The following DIP2C variants were observed in gnomAD, a reference collection of about 807,000 sequenced individuals.
DIP2C encodes disco-interacting protein 2 homolog C.
DIP2C carries 33 observed loss-of-function variants against 192.4 expected under a neutral mutation model. That is an observed-to-expected ratio of 0.17 (90% CI 0.13 to 0.23). The LOEUF (loss-of-function observed/expected upper bound fraction) is 0.23, where lower values mean the gene tolerates loss of function less well. Among genes scored for constraint, DIP2C ranks in the 10% least tolerant of loss-of-function variants. The pLI is 1.00. For synonymous variants in DIP2C, 979 were observed against 864.1 expected, an observed-to-expected ratio of 1.13 and a Z score of -2.33; for missense variants, 1,537 against 2,110.1, an observed-to-expected ratio of 0.73 and a Z score of 5.32.
At chr10:588,956 C>T (rs1157170380) in intron 1 of DIP2C, among the ~76,000 whole-genome samples, 1 of 152,248 alleles carries the variant, frequency 6.6e-6, no homozygotes, top group Non-Finnish European at 1.5e-5. Context: ...TGAACCGCAG[C>T]ATCACACAGG....
At chr10:543,320 A>C (rs1387103432) in intron 1 of DIP2C, among the ~76,000 whole-genome samples, 1 of 152,260 alleles carries the variant, frequency 6.6e-6, no homozygotes, top group African/African-American at 2.4e-5. Context: ...TTCAGTAGCG[A>C]GAACGTACAC....
intron 1 of DIP2C, chr10:662,056 C>T: frequency 1.4e-6 from 1 of 717,106 alleles, no homozygotes; most frequent in Non-Finnish European, 2.6e-6. Context: ...GGCTCCACAG[C>T]ATACCGCACA....
chr10:445,080 C>T (rs1028869497), intron 3 of DIP2C, among the ~76,000 whole-genome samples: 5 of 152,256 alleles, frequency 3.3e-5, no homozygotes, highest in Non-Finnish European at 2.9e-5. Context: ...CACCTGCTAC[C>T]ATCCTCCTCC....
At chr10:543,924 G>C (rs770155169) in intron 1 of DIP2C, among the ~76,000 whole-genome samples, 1 of 152,238 alleles carries the variant, frequency 6.6e-6, no homozygotes, top group East Asian at 1.9e-4. Context: ...GCTTCCTTCC[G>C]CCAGCCCCTG....
intron 4 of DIP2C, chr10:437,689 C>G (rs1367015665): frequency 6.6e-6 from 1 of 152,166 alleles, no homozygotes; most frequent in Non-Finnish European, 1.5e-5. Flanking sequence ...TGGCTAGAAG[C>G]AGAAGTTTTG....
chr10:657,858 C>A, intron 1 of DIP2C, among the ~76,000 whole-genome samples: 1 of 151,738 alleles, frequency 6.6e-6, no homozygotes, highest in Admixed American at 6.5e-5. Context: ...TGCCGCTGGA[C>A]CTGATGCTGG....
intron 1 of DIP2C, among the ~76,000 whole-genome samples, chr10:582,524 A>C (rs1850734156): frequency 6.6e-6 from 1 of 152,212 alleles, no homozygotes; most frequent in African/African-American, 2.4e-5. Flanking sequence ...TCCAGGCTGC[A>C]GTGAGCTGGG....
intron 23 of DIP2C, among the ~76,000 whole-genome samples, 184 bp downstream of exon 23, chr10:357,644 C>A (rs567486442): frequency 6.6e-6 from 1 of 152,134 alleles, no homozygotes; most frequent in African/African-American, 2.4e-5. Flanking sequence ...ACCACCAGCG[C>A]GCGACATCGG....
At chr10:609,451 GCTGA>G (rs1259030805) in intron 1 of DIP2C, among the ~76,000 whole-genome samples, 6 of 152,124 alleles carry the variant, frequency 3.9e-5, no homozygotes, top group African/African-American at 1.2e-4. Flanking sequence ...TCCTATCAGG[GCTGA>G]CTAACATTCA....
At chr10:683,648 T>A (rs1831210696) in intron 1 of DIP2C, among the ~76,000 whole-genome samples, 2 of 152,158 alleles carry the variant, frequency 1.3e-5, no homozygotes, top group Non-Finnish European at 2.9e-5. Flanking sequence ...AGGAGTTTGC[T>A]TTTTTAAAGG....
At chr10:613,753 C>T (rs1331409029) in intron 1 of DIP2C, among the ~76,000 whole-genome samples, 7 of 152,156 alleles carry the variant, frequency 4.6e-5, no homozygotes, top group Admixed American at 1.3e-4. Flanking sequence ...CATGGCATTT[C>T]GCACACCTGC....
At chr10:551,214 G>A (rs939037372) in intron 1 of DIP2C, among the ~76,000 whole-genome samples, 2 of 152,170 alleles carry the variant, frequency 1.3e-5, no homozygotes, top group African/African-American at 2.4e-5. Context: ...TGCCTCAAGC[G>A]CCTCCCTGAT....
At chr10:567,630 TGACATA>T (rs1452017410) in intron 1 of DIP2C, among the ~76,000 whole-genome samples, 1 of 152,242 alleles carries the variant, frequency 6.6e-6, no homozygotes, top group African/African-American at 2.4e-5. Flanking sequence ...CCAGTCAGCA[TGACATA>T]GAAAAGTTTG....
intron 1 of DIP2C, among the ~76,000 whole-genome samples, chr10:683,576 G>A (rs1359226749): frequency 6.6e-6 from 1 of 152,156 alleles, no homozygotes. Flanking sequence ...ACGTTCCAGA[G>A]GACAAAATGC....
At chr10:626,216 A>G (rs1029265446) in intron 1 of DIP2C, among the ~76,000 whole-genome samples, 1 of 152,156 alleles carries the variant, frequency 6.6e-6, no homozygotes, top group African/African-American at 2.4e-5. Context: ...TCAGGGTCTC[A>G]CTGTCCAGAT....
At chr10:496,636 G>GA (rs1844857397) in intron 1 of DIP2C, among the ~76,000 whole-genome samples, 1 of 150,984 alleles carries the variant, frequency 6.6e-6, no homozygotes, top group African/African-American at 2.4e-5. Flanking sequence ...CATGAGTGCT[G>GA]AGTGCACAGA....
chr10:448,224 A>T (rs1416560079), intron 3 of DIP2C, among the ~76,000 whole-genome samples: 18 of 87,214 alleles, frequency 2.1e-4, no homozygotes, highest in East Asian at 1.0e-3. Context: ...CATTCCCGTC[A>T]ATAATCAGGA....
intron 1 of DIP2C, among the ~76,000 whole-genome samples, chr10:509,677 G>A (rs537163949): frequency 6.6e-6 from 1 of 152,272 alleles, no homozygotes; most frequent in South Asian, 2.1e-4. Flanking sequence ...ATCTAAGGGG[G>A]CTCATAAGCA....
At chr10:594,956 A>G (rs148626005) in intron 1 of DIP2C, among the ~76,000 whole-genome samples, 1 of 152,282 alleles carries the variant, frequency 6.6e-6, no homozygotes, top group Non-Finnish European at 1.5e-5. Context: ...CAGAGAAGGG[A>G]GAGGAGACAG....
Sources: allele counts gnomAD v4.1 joint callset (sites outside exome capture counted in the v4.1 genomes callset), GRCh38; gene constraint gnomAD v4.1.1; transcripts MANE v1.5; gene names NCBI Gene and HGNC (gene_info 2026-07-23, HGNC 2026-07-21).